PPP2R2B: variants seen among roughly 807,000 people sequenced by gnomAD.
PPP2R2B encodes the protein serine/threonine-protein phosphatase 2A 55 kDa regulatory subunit B beta isoform.
In PPP2R2B, 5 loss-of-function variants were observed where a neutral mutation model predicts 46.0. The observed-to-expected ratio is 0.11, with a 90% CI of 0.06 to 0.23. The LOEUF is 0.23. Among genes scored for constraint, PPP2R2B ranks in the 10% least tolerant of loss-of-function variants. PPP2R2B has a pLI of 1.00. For synonymous variants in PPP2R2B, 215 were observed against 206.7 expected (o/e 1.04, Z -0.34); for missense variants, 367 against 575.0 (o/e 0.64, Z 3.70).
At chr5:147,049,173 A>G (rs1222855679) in intron 1 of PPP2R2B, among the ~76,000 whole-genome samples, 1 of 151,944 alleles carries the variant, frequency 6.6e-6, no homozygotes, top group Non-Finnish European at 1.5e-5. Context: ...GTGAAGAAAC[A>G]TTTGAATGAT....
chr5:146,692,426 C>T (rs1283110354), intron 4 of PPP2R2B, among the ~76,000 whole-genome samples: 1 of 152,124 alleles, frequency 6.6e-6, no homozygotes, highest in East Asian at 1.9e-4. Context: ...CATGAGAACT[C>T]CCATCCCTAC....
At chr5:146,621,381 G>A (rs967949453) in intron 7 of PPP2R2B, among the ~76,000 whole-genome samples, 3 of 152,296 alleles carry the variant, frequency 2.0e-5, no homozygotes, top group Middle Eastern at 3.4e-3. Flanking sequence ...GAGCTAGGAC[G>A]TAAACCCAAC....
chr5:146,974,333 A>G (rs1752797164), intron 1 of PPP2R2B, among the ~76,000 whole-genome samples: 1 of 152,214 alleles, frequency 6.6e-6, no homozygotes. Flanking sequence ...GCCATGAGGC[A>G]GGGTTCATTA....
chr5:146,747,883 A>G (rs1207379635), intron 2 of PPP2R2B, among the ~76,000 whole-genome samples: 1 of 152,128 alleles, frequency 6.6e-6, no homozygotes, highest in Non-Finnish European at 1.5e-5. Flanking sequence ...CAAGAACAGC[A>G]TGAAAAAAAT....
intron 2 of PPP2R2B, among the ~76,000 whole-genome samples, chr5:146,742,433 C>G (rs559516848): frequency 1.3e-5 from 2 of 152,064 alleles, no homozygotes; most frequent in Admixed American, 1.3e-4. Context: ...GATCCTTTTA[C>G]CTGAAACATT....
upstream of PPP2R2B, among the ~76,000 whole-genome samples, chr5:146,883,226 A>G (rs1367937495): frequency 4.6e-5 from 7 of 152,214 alleles, no homozygotes; most frequent in Non-Finnish European, 2.9e-5. Flanking sequence ...AAAATGGAAG[A>G]AAACAATAGT....
rs1770065589 is a variant in PPP2R2B, at chr5:146,584,893, AC to A, written c.*5053del. ...TTCATATTCTGGTATATGTTGGTCT[AC>A]CTATTGGAAACGCTGTATCATGCTT... On this transcript the variant is annotated 3_prime_UTR_variant, in exon 10 of 10. Transcript: ENST00000394411. 1 of 152,118 alleles carries A rather than the reference AC, an allele frequency of 6.6e-6. No homozygotes were observed. Among genetic ancestry groups the A allele is most frequent in the Admixed American group, 6.5e-5 (1 of 15,286 alleles). 9.4% of individuals were successfully genotyped at this position (152,118 alleles called of 1,614,324 possible).
chr5:146,592,882 C>G lies in PPP2R2B; in HGVS notation c.1052+89G>C, dbSNP rs1381625234. The G allele has an allele frequency of 6.0e-6, 8 of 1,326,566 alleles. No individual in the cohort carries two copies. The African/African-American group carries it at 1.0e-4, about 17-fold the overall frequency. 82.2% of individuals were successfully genotyped at this position (1,326,566 alleles called of 1,614,324 possible). A position where few individuals can be genotyped will look rare whatever the true frequency, so the allele number is the denominator to read the frequency against. The stretch of plus-strand genomic sequence containing the variant: ...AGGTTTTGGGGCCCAATTTTGACCT[C>G]CCTTTGGCTGTACTCTACTTAGGAT... On this transcript the variant is annotated intron_variant, in intron 9 of 9. Transcript: ENST00000394411.
chr5:146,882,560 A>C (rs958696951), upstream of PPP2R2B, among the ~76,000 whole-genome samples: 7 of 152,182 alleles, frequency 4.6e-5, no homozygotes, highest in Admixed American at 2.0e-4. Context: ...TGTTTCATAG[A>C]GTTATTACAA....
chr5:146,951,535 C>A (rs1453675035), intron 1 of PPP2R2B, among the ~76,000 whole-genome samples: 1 of 151,770 alleles, frequency 6.6e-6, no homozygotes, highest in Non-Finnish European at 1.5e-5. Context: ...CCAATAGGCC[C>A]CAGTGTGTTT....
chr5:146,625,548 G>C (rs1026285677), intron 7 of PPP2R2B, among the ~76,000 whole-genome samples: 2 of 152,142 alleles, frequency 1.3e-5, no homozygotes, highest in African/African-American at 2.4e-5. Context: ...CATCTAGTGA[G>C]AGAGACCAAA....
intron 2 of PPP2R2B, among the ~76,000 whole-genome samples, chr5:147,069,003 A>C (rs913976342): frequency 6.6e-6 from 1 of 152,230 alleles, no homozygotes; most frequent in African/African-American, 2.4e-5. Flanking sequence ...AATTATGGAA[A>C]TATCACCCAC....
intron 1 of PPP2R2B, chr5:146,922,210 C>A (rs1396619375): frequency 6.6e-6 from 1 of 152,138 alleles, no homozygotes; most frequent in African/African-American, 2.4e-5. Context: ...CTTCTGCATC[C>A]CCTTGGTGGT....
chr5:146,805,337 C>A (rs1339606211), intron 2 of PPP2R2B, among the ~76,000 whole-genome samples: 1 of 152,186 alleles, frequency 6.6e-6, no homozygotes. Context: ...ACCCCTCCCC[C>A]CAACTCTTGG....
At chr5:146,657,230 T>C (rs1776390530) in intron 5 of PPP2R2B, among the ~76,000 whole-genome samples, 1 of 152,100 alleles carries the variant, frequency 6.6e-6, no homozygotes, top group Non-Finnish European at 1.5e-5. Flanking sequence ...TGCGCCTTCA[T>C]GAGAGGAGTT....
Position 146,878,346 on chromosome 5 carries a change from T to G in PPP2R2B, c.-124-151A>C. On this transcript the variant is annotated intron_variant, in intron 1 of 9. Transcript: ENST00000394411. This position sits in a 1 kb window ranked among gnomAD's most constrained non-coding sequence, Gnocchi z 4.5. ...CAGTTCCCAGCGAGGATGCTGCGCC[T>G]GCCTCCGCTGCCTCCGGGTGCCAAG... 7.0e-7 allele frequency: 1 copy of G among 1,435,550 alleles called. No homozygotes were observed. Among genetic ancestry groups the G allele is most frequent in the Non-Finnish European group, 9.1e-7 (1 of 1,101,344 alleles). 88.9% of individuals were successfully genotyped at this position (1,435,550 alleles called of 1,614,324 possible).
chr5:146,783,314 A>T (rs1755647010), intron 2 of PPP2R2B, among the ~76,000 whole-genome samples: 1 of 152,224 alleles, frequency 6.6e-6, no homozygotes, highest in South Asian at 2.1e-4. Flanking sequence ...TGCTGTGAAC[A>T]TTACAAATTC....
intron 7 of PPP2R2B, among the ~76,000 whole-genome samples, chr5:146,624,190 A>G (rs184753575): frequency 8.5e-5 from 13 of 152,350 alleles, no homozygotes; most frequent in Admixed American, 1.3e-4. Flanking sequence ...AAGATAAATC[A>G]ATGAGAAGGG....
chr5:146,686,957 C>A (rs983616588), intron 5 of PPP2R2B, among the ~76,000 whole-genome samples: 1 of 151,694 alleles, frequency 6.6e-6, no homozygotes, highest in Non-Finnish European at 1.5e-5. Context: ...TGCATAGGGA[C>A]CTCAAGGCCT....
Sources: allele counts gnomAD v4.1 joint callset (sites outside exome capture counted in the v4.1 genomes callset), GRCh38; gene constraint gnomAD v4.1.1; non-coding constraint Gnocchi (gnomAD v3.1); transcripts MANE v1.5; gene names NCBI Gene and HGNC (gene_info 2026-07-23, HGNC 2026-07-21).